DPY19L1: variants seen among roughly 807,000 people sequenced by gnomAD.
DPY19L1 encodes dpy-19 like C-mannosyltransferase 1.
Under a neutral mutation model 96.9 loss-of-function variants are expected in DPY19L1, and 35 were observed. The ratio of observed to expected loss-of-function variants is 0.36; its 90% confidence interval spans 0.28 to 0.48. DPY19L1 has a LOEUF of 0.48. Among genes scored for constraint, DPY19L1 ranks in the 20% least tolerant of loss-of-function variants. DPY19L1 has a pLI of 0.99. For synonymous variants in DPY19L1, 205 were observed against 252.6 expected, an observed-to-expected ratio of 0.81 and a Z score of 1.79; for missense variants, 521 against 777.9, an observed-to-expected ratio of 0.67 and a Z score of 3.93.
Position 35,017,518 on chromosome 7 carries a change from A to AAAAAAAAAAAC in DPY19L1, c.411+363_411+364insGTTTTTTTTTT, listed in dbSNP as rs58385351. The stretch of plus-strand genomic sequence containing the variant: ...CTCCGTCTCAAAAAAAAAAAAAAAA[A>AAAAAAAAAAAC]AAAATTAGCCGGGCATGGTGGCAGG... On this transcript the variant is annotated intron_variant, in intron 3 of 21. Coordinates refer to ENST00000638088, the MANE Select transcript of DPY19L1 (RefSeq NM_001366673.1). Among the ~76,000 whole-genome samples the AAAAAAAAAAAC allele has an allele frequency of 5.9e-4, 54 of 91,336 alleles. 7 individuals carry two copies. The highest frequency in any genetic ancestry group is 1.0e-3 in the African/African-American group (27 of 25,872). The allele number at this position is 91,336 out of a possible 152,430, so 59.9% of individuals were successfully genotyped here.
chr7:34,955,164 G>T, intron 12 of DPY19L1, 144 bp downstream of exon 12: 1 of 806,114 alleles, frequency 1.2e-6, no homozygotes. Flanking sequence ...GGGCAATTTG[G>T]TACATTAAAA....
At chr7:35,023,090 T>C (rs994379186) in intron 1 of DPY19L1, among the ~76,000 whole-genome samples, 1 of 152,128 alleles carries the variant, frequency 6.6e-6, no homozygotes, top group African/African-American at 2.4e-5. Context: ...CAGGCCCCCA[T>C]GTCTGGCCGG....
At position 35,011,433 on chromosome 7, in the gene DPY19L1, C is replaced by T; in HGVS notation, c.567G>A (p.Trp189Ter). 1 of 1,603,158 alleles carries T rather than the reference C, an allele frequency of 6.2e-7. No homozygotes were observed. Among genetic ancestry groups the T allele is most frequent in the Non-Finnish European group, 8.5e-7 (1 of 1,177,244 alleles). Residue 189 changes from tryptophan (W) to a stop codon, truncating the protein, a stop_gained, in exon 5 of 22, where the codon TGG becomes TGA. Transcript: ENST00000638088. LOFTEE classifies it high-confidence loss of function. Reference protein sequence around the residue: ...NLYPEVILASWYRIYTKIMDL... With the variant: ...NLYPEVILAS The stretch of plus-strand genomic sequence containing the variant: ...CCATTATTTTGGTATAAATCCGGTA[C>T]CAACTGGCCAAAATTACCTATTTTA...
chr7:35,007,275 C>T (rs1023001941), intron 6 of DPY19L1, among the ~76,000 whole-genome samples: 5 of 152,192 alleles, frequency 3.3e-5, no homozygotes, highest in African/African-American at 7.2e-5. Flanking sequence ...GAGATGGTTC[C>T]GGGTTAAGAA....
chr7:35,009,047 A>G (rs887495373), intron 6 of DPY19L1, among the ~76,000 whole-genome samples: 25 of 152,338 alleles, frequency 1.6e-4, no homozygotes, highest in Non-Finnish European at 2.9e-4. Flanking sequence ...CCCCAATTAA[A>G]CAAAAGAATT....
At chr7:34,989,722 A>G (rs1171973966) in intron 7 of DPY19L1, among the ~76,000 whole-genome samples, 162 bp downstream of exon 7, 1 of 152,204 alleles carries the variant, frequency 6.6e-6, no homozygotes, top group Admixed American at 6.5e-5. Flanking sequence ...ATCACATAAG[A>G]AGTACAATGG....
At chr7:34,966,405 C>T (rs1209759013) in intron 10 of DPY19L1, among the ~76,000 whole-genome samples, 1 of 152,054 alleles carries the variant, frequency 6.6e-6, no homozygotes, top group African/African-American at 2.4e-5. Context: ...TAATGTAATC[C>T]TCCCACATCA....
Position 34,966,981 on chromosome 7 carries a change from A to G in DPY19L1, c.1015-10T>C. 6.6e-7 allele frequency: 1 copy of G among 1,513,472 alleles called. No individual in the cohort carries two copies. The highest frequency in any genetic ancestry group is 1.3e-5 in the South Asian group (1 of 78,258). The allele number at this position is 1,513,472 out of a possible 1,614,324, so 93.8% of individuals were successfully genotyped here. ...CAAATAATGATGCAATCTGAAATTT[A>G]AAAAGAAATTAGAAGTAAAAAAGAT... On this transcript the variant is annotated splice_polypyrimidine_tract_variant and intron_variant, in intron 9 of 21. Transcript: ENST00000638088.
At chr7:35,006,476 A>G (rs1785559962) in intron 6 of DPY19L1, among the ~76,000 whole-genome samples, 2 of 152,152 alleles carry the variant, frequency 1.3e-5, no homozygotes, top group Admixed American at 6.6e-5. Context: ...CCAACAACCA[A>G]TGCTCCTTCT....
intron 6 of DPY19L1, among the ~76,000 whole-genome samples, chr7:35,006,804 C>T (rs533855078): frequency 1.1e-4 from 17 of 152,188 alleles, no homozygotes; most frequent in East Asian, 3.9e-4. Flanking sequence ...CCATTTCTGG[C>T]GAAATGGACT....
chr7:34,956,357 T>TA (rs1784378784), intron 11 of DPY19L1, among the ~76,000 whole-genome samples: 1 of 152,202 alleles, frequency 6.6e-6, no homozygotes, highest in South Asian at 2.1e-4. Context: ...GAACTATACT[T>TA]ATTAATCCCA....
rs146339550 is a variant in DPY19L1 at position 35,004,261 on chromosome 7, A to AC, written c.764+6206dup. ...CAGCCTCAGAAAGTTCCCTCAGGGA[A>AC]CCTAAAGACCATGACTCAGAAATTC... On this transcript the variant is annotated intron_variant, in intron 6 of 21. Transcript: ENST00000638088. 4.5e-3 allele frequency among the ~76,000 whole-genome samples: 682 copies of AC among 152,236 alleles called. 6 individuals are homozygous for AC. Among genetic ancestry groups the AC allele is most frequent in the African/African-American group, 0.016 (662 of 41,536 alleles).
intron 6 of DPY19L1, among the ~76,000 whole-genome samples, chr7:35,009,530 C>T (rs953285171): frequency 1.3e-5 from 2 of 152,168 alleles, no homozygotes; most frequent in Non-Finnish European, 2.9e-5. Context: ...ACAGAAGACA[C>T]TTCTAAATAT....
intron 10 of DPY19L1, among the ~76,000 whole-genome samples, chr7:34,961,738 T>C (rs1784505434): frequency 6.6e-6 from 1 of 152,170 alleles, no homozygotes; most frequent in Non-Finnish European, 1.5e-5. Flanking sequence ...GATAAGGGAC[T>C]GTTATCAAAA....
chr7:35,014,456 G>T (rs1785792833), intron 3 of DPY19L1, among the ~76,000 whole-genome samples: 1 of 152,014 alleles, frequency 6.6e-6, no homozygotes, highest in Non-Finnish European at 1.5e-5. Flanking sequence ...GCAGTATGAG[G>T]GAAGACAGAA....
chr7:34,985,363 G>C (rs1168508938), intron 7 of DPY19L1, among the ~76,000 whole-genome samples: 1 of 152,032 alleles, frequency 6.6e-6, no homozygotes, highest in Non-Finnish European at 1.5e-5. Flanking sequence ...GCACAACAAA[G>C]GAAATAATTA....
At chr7:35,024,426 G>A (rs1452824012) in intron 1 of DPY19L1, among the ~76,000 whole-genome samples, 1 of 152,120 alleles carries the variant, frequency 6.6e-6, no homozygotes, top group African/African-American at 2.4e-5. Flanking sequence ...GAGTTTTAAA[G>A]TTTCTTTCCG....
At chr7:34,986,101 A>G (rs1004040209) in intron 7 of DPY19L1, among the ~76,000 whole-genome samples, 1 of 152,076 alleles carries the variant, frequency 6.6e-6, no homozygotes, top group Non-Finnish European at 1.5e-5. Flanking sequence ...GTGGAATCTA[A>G]GAGTCAATCT....
intron 9 of DPY19L1, among the ~76,000 whole-genome samples, chr7:34,967,404 T>G (rs1472686611): frequency 6.6e-6 from 1 of 152,194 alleles, no homozygotes; most frequent in Middle Eastern, 3.2e-3. Flanking sequence ...CAATTTCTGC[T>G]TGCTAGTCAC....
Sources: allele counts gnomAD v4.1 joint callset (sites outside exome capture counted in the v4.1 genomes callset), GRCh38; gene constraint gnomAD v4.1.1; transcripts MANE v1.5; gene names NCBI Gene and HGNC (gene_info 2026-07-23, HGNC 2026-07-21).